Variants in KANSL1 observed in about 807,000 individuals in gnomAD.
KANSL1 encodes the protein MLL1/MLL complex subunit KANSL1.
In KANSL1, 22 loss-of-function variants were observed where a neutral mutation model predicts 103.6. The observed-to-expected ratio is 0.21, with a 90% CI of 0.15 to 0.30. The LOEUF is 0.30. Among genes scored for constraint, KANSL1 ranks in the 10% least tolerant of loss-of-function variants. The probability of loss-of-function intolerance (pLI) is 1.00; values close to 1 mark genes in which losing one functional copy is unlikely to be tolerated. For missense variants in KANSL1, 1,337 were observed against 1,399.8 expected (o/e 0.96, Z 0.72); for synonymous variants, 600 against 527.6 (o/e 1.14, Z -1.88).
rs935260350 is a variant in KANSL1 at position 46,029,957 on chromosome 17, T to C, written c.*1519A>G. The C allele has an allele frequency of 2.7e-5, 3 of 109,606 alleles. No homozygotes were observed. Among genetic ancestry groups the C allele is most frequent in the African/African-American group, 2.7e-5 (1 of 37,174 alleles). The allele number at this position is 109,606 out of a possible 1,614,324, so 6.8% of individuals were successfully genotyped here. On this transcript the variant is annotated 3_prime_UTR_variant, in exon 15 of 15. Transcript: ENST00000432791. The stretch of plus-strand genomic sequence containing the variant: ...TTTATTTTTTTCAATTTTTCCTTCT[T>C]TTTTTTTTTTAAGCACTAGTCTGTG...
intron 1 of KANSL1, among the ~76,000 whole-genome samples, chr17:46,175,737 T>C (rs1195482094): frequency 6.6e-6 from 1 of 152,254 alleles, no homozygotes; most frequent in Non-Finnish European, 1.5e-5. Flanking sequence ...AGGGCTTATG[T>C]AGTTTTCTCC....
At chr17:46,205,153 TA>T (rs55788646) in intron 1 of KANSL1, among the ~76,000 whole-genome samples, 3 of 151,618 alleles carry the variant, frequency 2.0e-5, no homozygotes, top group African/African-American at 7.3e-5. Flanking sequence ...CACTCAGGCT[TA>T]AAAAAAAGAA....
chr17:46,126,958 G>A (rs1459791721), intron 2 of KANSL1, among the ~76,000 whole-genome samples: 2 of 152,172 alleles, frequency 1.3e-5, no homozygotes, highest in Non-Finnish European at 2.9e-5. Context: ...CTGGATTATG[G>A]AGCTAATAAA....
intron 1 of KANSL1, among the ~76,000 whole-genome samples, chr17:46,200,577 C>T (rs1044629609): frequency 3.3e-5 from 5 of 152,078 alleles, no homozygotes; most frequent in Non-Finnish European, 5.9e-5. Context: ...TCCGTCTCTA[C>T]TAAAAATACA....
At chr17:46,205,382 A>C (rs879758970) in intron 1 of KANSL1, among the ~76,000 whole-genome samples, 12,793 of 140,852 alleles carry the variant, frequency 0.091, no homozygotes, top group Non-Finnish European at 0.14. Context: ...CCCCCCGCCA[A>C]AAAAAAAAGA....
At chr17:46,156,472 C>G (rs905860562) in intron 2 of KANSL1, among the ~76,000 whole-genome samples, 2 of 152,240 alleles carry the variant, frequency 1.3e-5, no homozygotes, top group Non-Finnish European at 2.9e-5. Flanking sequence ...TCAGGTCTTC[C>G]TATCACCTCA....
At chr17:46,062,110 C>CAAAAAAAAAAAAAAAAAAAAAAA (rs1568403365) in intron 6 of KANSL1, among the ~76,000 whole-genome samples, 1 of 22,256 alleles carries the variant, frequency 4.5e-5, no homozygotes, top group African/African-American at 1.3e-4. Context: ...AAAAAAAAAA[C>CAAAAAAAAAAAAAAAAAAAAAAA]AAACAAACAA....
chr17:46,048,122 G>A (rs1025771863), intron 7 of KANSL1, among the ~76,000 whole-genome samples: 2 of 151,908 alleles, frequency 1.3e-5, no homozygotes, highest in African/African-American at 2.4e-5. Flanking sequence ...TGCCCATGCT[G>A]GTCTCAAACT....
At chr17:46,113,470 G>A (rs2042910052) in intron 2 of KANSL1, among the ~76,000 whole-genome samples, 1 of 152,124 alleles carries the variant, frequency 6.6e-6, no homozygotes, top group Non-Finnish European at 1.5e-5. Flanking sequence ...GAGTATGTGG[G>A]GAAAGTAATT....
At chr17:46,045,691 G>A (rs567757599) in intron 7 of KANSL1, 4 of 152,188 alleles carry the variant, frequency 2.6e-5, no homozygotes, top group South Asian at 2.1e-4. Flanking sequence ...TAAGGTATGC[G>A]GCAGGGCAGC....
intron 8 of KANSL1, 72 bp downstream of exon 8, chr17:46,039,630 C>A: frequency 6.6e-7 from 1 of 1,523,144 alleles, no homozygotes; most frequent in Admixed American, 2.0e-5. Flanking sequence ...ATGCAAACTA[C>A]AAATTTGAGA....
At chr17:46,052,161 G>GA (rs1485905492) in intron 6 of KANSL1, among the ~76,000 whole-genome samples, 1 of 152,120 alleles carries the variant, frequency 6.6e-6, no homozygotes, top group Non-Finnish European at 1.5e-5. Flanking sequence ...GAGGATTTAG[G>GA]AAAATTGGTT....
At chr17:46,188,216 G>A (rs2047122258) in intron 1 of KANSL1, among the ~76,000 whole-genome samples, 1 of 152,170 alleles carries the variant, frequency 6.6e-6, no homozygotes, top group South Asian at 2.1e-4. Flanking sequence ...TCAAACGCTG[G>A]TGAACTCTAG....
intron 2 of KANSL1, among the ~76,000 whole-genome samples, chr17:46,116,390 C>T (rs1400889125): frequency 6.6e-6 from 1 of 152,086 alleles, no homozygotes; most frequent in Non-Finnish European, 1.5e-5. Context: ...ATTAGCCGGG[C>T]GTGGTGGTGC....
At chr17:46,048,586 A>C (rs2077596334) in intron 7 of KANSL1, among the ~76,000 whole-genome samples, 1 of 152,002 alleles carries the variant, frequency 6.6e-6, no homozygotes, top group Non-Finnish European at 1.5e-5. Context: ...ACAACAACAA[A>C]AACAAAAACC....
chr17:46,132,104 G>A (rs1239437669), intron 2 of KANSL1, among the ~76,000 whole-genome samples: 1 of 151,744 alleles, frequency 6.6e-6, no homozygotes, highest in Non-Finnish European at 1.5e-5. Flanking sequence ...TCCTGCCTGG[G>A]CCAAAACAGC....
intron 2 of KANSL1, among the ~76,000 whole-genome samples, chr17:46,109,978 T>C (rs1453902685): frequency 2.6e-5 from 4 of 152,234 alleles, no homozygotes; most frequent in African/African-American, 7.2e-5. Context: ...CTAGGGAGAC[T>C]GCTTCAATGG....
At chr17:46,048,457 C>A (rs922930433) in intron 7 of KANSL1, among the ~76,000 whole-genome samples, 1 of 152,014 alleles carries the variant, frequency 6.6e-6, no homozygotes, top group Non-Finnish European at 1.5e-5. Flanking sequence ...GTAGTCCCAG[C>A]TACTTGGGAG....
chr17:46,053,686 C>T (rs2077811006), intron 6 of KANSL1, among the ~76,000 whole-genome samples: 1 of 152,092 alleles, frequency 6.6e-6, no homozygotes, highest in Non-Finnish European at 1.5e-5. Flanking sequence ...CTGCCCGCCT[C>T]GGCCTCCCAA....
Sources: gnomAD v4.1 joint callset for allele counts (sites outside exome capture counted in the v4.1 genomes callset) on GRCh38, gnomAD v4.1.1 for gene constraint, MANE v1.5 for transcripts, NCBI Gene and HGNC (gene_info 2026-07-23, HGNC 2026-07-21) for gene names.